The following CFAP300 variants were observed in gnomAD, a reference collection of about 807,000 sequenced individuals.
CFAP300 encodes cilia and flagella associated protein 300, also known as cilia- and flagella-associated protein 300.
Under a neutral mutation model 33.0 loss-of-function variants are expected in CFAP300, and 32 were observed. That is an observed-to-expected ratio of 0.97 (90% CI 0.73 to 1.30). The LOEUF is 1.30. Ranked by LOEUF, CFAP300 falls within the 50% of genes most tolerant of loss-of-function variation. The pLI is 0.00. For synonymous variants in CFAP300, 102 were observed against 106.8 expected, an observed-to-expected ratio of 0.95 and a Z score of 0.28; for missense variants, 356 against 318.1, an observed-to-expected ratio of 1.12 and a Z score of -0.90.
At chr11:102,057,407 G>A (rs1304033817) in intron 2 of CFAP300, among the ~76,000 whole-genome samples, 1 of 150,044 alleles carries the variant, frequency 6.7e-6, no homozygotes, top group Non-Finnish European at 1.5e-5. Flanking sequence ...AGCTGAAAAG[G>A]CAGAAGAAAA....
At chr11:102,068,551 C>A (rs1206328262) in intron 4 of CFAP300, among the ~76,000 whole-genome samples, 1 of 152,130 alleles carries the variant, frequency 6.6e-6, no homozygotes, top group East Asian at 1.9e-4. Flanking sequence ...CTTTGGGAAG[C>A]CAAGGTGGGC....
intron 2 of CFAP300, among the ~76,000 whole-genome samples, chr11:102,055,724 G>C (rs1170761392): frequency 1.3e-4 from 19 of 142,596 alleles, no homozygotes; most frequent in Admixed American, 1.1e-3. Flanking sequence ...CCAGGCTGGA[G>C]TGCAGTGGCA....
intron 4 of CFAP300, among the ~76,000 whole-genome samples, chr11:102,074,248 C>T (rs546043612): frequency 1.3e-5 from 2 of 152,248 alleles, no homozygotes; most frequent in Non-Finnish European, 2.9e-5. Context: ...GCATGAGTTC[C>T]TCTCTGGAGC....
In CFAP300 at chr11:102,083,150, G is replaced by A. The variant is rs528406781; in HGVS notation, c.755G>A (p.Arg252His). 65 of 1,563,982 alleles carry A rather than the reference G, an allele frequency of 4.2e-5. No homozygotes were observed. Among genetic ancestry groups the A allele is most frequent in the East Asian group, 7.0e-5 (3 of 42,696 alleles). The change falls in exon 7 of 7, where the codon CGT becomes CAT. Residue 252 changes from arginine (R) to histidine (H), a missense_variant. By Grantham distance (29) the Arg-to-His change is conservative. Transcript: ENST00000434758. The part of the protein sequence containing the change: ...FSYFIVDPIR[R>H]HLHVLYHCYG... Reference sequence around the variant, plus strand: ...TACTTTATTGTGGATCCTATCAGGCGTCACCTTCATGTTTTATACCACTGT... The same window carrying A: ...TACTTTATTGTGGATCCTATCAGGCATCACCTTCATGTTTTATACCACTGT...
intron 3 of CFAP300, among the ~76,000 whole-genome samples, chr11:102,062,680 A>G (rs56709131): frequency 1.2e-3 from 188 of 152,314 alleles, no homozygotes; most frequent in African/African-American, 4.3e-3. Flanking sequence ...GTTAACCAAA[A>G]ATGAACAAAC....
Position 102,083,062 on chromosome 11 carries a change from CT to C in CFAP300, c.676-4del. ...TAAAATAATAATAATTTAGGTTTGT[CT>C]TTTTCAGGATTCTGCTGGTATGTGC... On this transcript the variant is annotated splice_region_variant and splice_polypyrimidine_tract_variant and intron_variant, in intron 6 of 6. Transcript: ENST00000434758. 3 of 1,386,236 alleles carry C rather than the reference CT, an allele frequency of 2.2e-6. No individual in the cohort carries two copies. The highest frequency in any genetic ancestry group is 2.1e-5 in the South Asian group (1 of 47,402). The allele number at this position is 1,386,236 out of a possible 1,614,324, so 85.9% of individuals were successfully genotyped here.
intron 2 of CFAP300, among the ~76,000 whole-genome samples, chr11:102,050,084 C>T (rs1386019342): frequency 2.6e-5 from 4 of 151,954 alleles, no homozygotes; most frequent in Non-Finnish European, 2.9e-5. Context: ...GAGCTATGAT[C>T]GCACCTCTGC....
At chr11:102,055,291 T>C (rs1942034629) in intron 2 of CFAP300, among the ~76,000 whole-genome samples, 1 of 151,720 alleles carries the variant, frequency 6.6e-6, no homozygotes, top group Non-Finnish European at 1.5e-5. Flanking sequence ...TGATACATAT[T>C]CTTACATACT....
chr11:102,050,580 G>C (rs1271364751), intron 2 of CFAP300, among the ~76,000 whole-genome samples: 1 of 152,184 alleles, frequency 6.6e-6, no homozygotes, highest in Admixed American at 6.6e-5. Flanking sequence ...ATTAAAGGGA[G>C]GGAAATACCA....
At chr11:102,048,010 G>A (rs559666295) in intron 2 of CFAP300, 114 bp downstream of exon 2, 3 of 914,140 alleles carry the variant, frequency 3.3e-6, no homozygotes, top group South Asian at 2.0e-5. Flanking sequence ...TTTTCTTGGC[G>A]TTTGGGAGTA....
chr11:102,053,097 C>T (rs1941995664), intron 2 of CFAP300, among the ~76,000 whole-genome samples: 1 of 151,868 alleles, frequency 6.6e-6, no homozygotes, highest in African/African-American at 2.4e-5. Context: ...GCCATGGTGG[C>T]AGGTGCCTGT....
chr11:102,049,851 GA>G (rs10716793), intron 2 of CFAP300, among the ~76,000 whole-genome samples: 8,447 of 145,410 alleles, frequency 0.058, 303 homozygotes, highest in Non-Finnish European at 0.088. Flanking sequence ...GAAATGTTAA[GA>G]AAAAAAAAAA....
rs1942227717 is a variant in CFAP300, at chr11:102,066,504, T to A, written c.288T>A (p.Ile96=). The A allele has an allele frequency of 3.1e-6, 5 of 1,590,484 alleles. No homozygotes were observed. The highest frequency in any genetic ancestry group is 4.3e-6 in the Non-Finnish European group (5 of 1,171,878). The part of the protein sequence containing the change: ...WIILGTEVKK[I]EAINVPCTQL... The stretch of plus-strand genomic sequence containing the variant: ...TTTCAGGAACTGAAGTGAAAAAAAT[T>A]GAAGCTATAAATGTTCCTTGCACAC... Residue 96 remains isoleucine, a synonymous_variant, in exon 4 of 7, where the codon ATT becomes ATA. Coordinates refer to ENST00000434758, the MANE Select transcript of CFAP300 (RefSeq NM_032930.3).
intron 5 of CFAP300, among the ~76,000 whole-genome samples, chr11:102,076,977 A>T (rs1942404521): frequency 6.6e-6 from 1 of 152,204 alleles, no homozygotes; most frequent in South Asian, 2.1e-4. Flanking sequence ...AAGCATACAC[A>T]TACCTATTAA....
At chr11:102,050,644 A>G (rs915312848) in intron 2 of CFAP300, among the ~76,000 whole-genome samples, 4 of 152,228 alleles carry the variant, frequency 2.6e-5, no homozygotes, top group Non-Finnish European at 4.4e-5. Context: ...GGCATAAGGT[A>G]CTTTGGTGAC....
intron 2 of CFAP300, chr11:102,057,706 G>A (rs191035446): frequency 1.3e-5 from 2 of 152,358 alleles, no homozygotes; most frequent in African/African-American, 4.8e-5. Flanking sequence ...AGACTCATCA[G>A]TGCAAGACTG....
rs145316880 is a variant in CFAP300, at chr11:102,075,991, A to G, written c.554A>G (p.Asp185Gly). 6.2e-6 allele frequency: 10 copies of G among 1,613,890 alleles called. No individual in the cohort carries two copies. Among genetic ancestry groups the G allele is most frequent in the Non-Finnish European group, 8.5e-6 (10 of 1,179,898 alleles). ...CLGGALCQYE[D>G]VISPYLETTK... ...GGTGGAGCCCTTTGTCAATATGAGG[A>G]TGTGATTAGCCCATATCTGGAAACA... Residue 185 changes from aspartate to glycine, a missense_variant, in exon 5 of 7, where the codon GAT becomes GGT. By Grantham distance (94) the Asp-to-Gly change is moderately conservative. Coordinates refer to ENST00000434758, the MANE Select transcript of CFAP300 (RefSeq NM_032930.3).
intron 4 of CFAP300, among the ~76,000 whole-genome samples, chr11:102,071,577 C>T (rs1452331844): frequency 6.6e-6 from 1 of 151,806 alleles, no homozygotes; most frequent in Non-Finnish European, 1.5e-5. Context: ...TATTTGAATC[C>T]TTTCTGTGTT....
At chr11:102,082,949 A>T (rs1942496197) in intron 6 of CFAP300, 122 bp from the exon 7 acceptor site, 2 of 328,918 alleles carry the variant, frequency 6.1e-6, no homozygotes, top group Non-Finnish European at 9.2e-6. Flanking sequence ...GTGAGCCGAG[A>T]TCGCGCCACT....
Sources: allele counts gnomAD v4.1 joint callset (sites outside exome capture counted in the v4.1 genomes callset), GRCh38; gene constraint gnomAD v4.1.1; transcripts MANE v1.5; gene names NCBI Gene and HGNC (gene_info 2026-07-23, HGNC 2026-07-21).